Variants in MITF observed in about 807,000 individuals in gnomAD.
The protein encoded by MITF is melanocyte inducing transcription factor.
A neutral mutation model predicts 60.5 loss-of-function variants in MITF; 17 were observed. That is an observed-to-expected ratio of 0.28 (90% CI 0.19 to 0.42). MITF has a LOEUF of 0.42. Among genes scored for constraint, MITF ranks in the 10% least tolerant of loss-of-function variants. The pLI, the probability that MITF is intolerant of heterozygous loss-of-function variation, is 1.00. For missense variants in MITF, 622 were observed against 683.5 expected (o/e 0.91, Z 1.00); for synonymous variants, 260 against 248.5 (o/e 1.05, Z -0.43).
chr3:69,888,854 T>C (rs2064687321), intron 2 of MITF, among the ~76,000 whole-genome samples: 1 of 151,928 alleles, frequency 6.6e-6, no homozygotes. Flanking sequence ...CTTTCTTTTC[T>C]GTCTTGGTGA....
chr3:69,797,823 C>G (rs565989161), intron 1 of MITF, among the ~76,000 whole-genome samples: 1 of 152,260 alleles, frequency 6.6e-6, no homozygotes, highest in Admixed American at 6.5e-5. Context: ...GCCATGGTAA[C>G]AGGTAGTGAT....
At position 69,925,078 on chromosome 3, in the gene MITF, C is replaced by A. The variant is rs548477309; in HGVS notation, c.355-12744C>A. Among the ~76,000 whole-genome samples the A allele has an allele frequency of 3.9e-5, 6 of 152,070 alleles. No individual in the cohort carries two copies. In the South Asian group the frequency reaches 8.3e-4, roughly 21 times the overall value. Reference sequence around the variant, plus strand: ...ACACTAATCCACTTGGATGTGAAAGCAAAAATTCCAAGGTGAACAATCATA... The same window carrying A: ...ACACTAATCCACTTGGATGTGAAAGAAAAAATTCCAAGGTGAACAATCATA... On this transcript the variant is annotated intron_variant, in intron 2 of 9. Transcript: ENST00000352241.
intron 1 of MITF, among the ~76,000 whole-genome samples, chr3:69,814,041 G>A (rs908148511): frequency 5.9e-5 from 9 of 151,984 alleles, no homozygotes; most frequent in Admixed American, 5.9e-4. Flanking sequence ...ATGGGAACTA[G>A]GGAAAACATT....
At chr3:69,770,033 C>G (rs572871331) in intron 1 of MITF, among the ~76,000 whole-genome samples, 1 of 152,318 alleles carries the variant, frequency 6.6e-6, no homozygotes, top group Non-Finnish European at 1.5e-5. Context: ...CCTTTGCCCT[C>G]TCATTCATTT....
At chr3:69,941,208 C>T in intron 4 of MITF, 28 bp from the exon 5 acceptor site, 1 of 1,458,942 alleles carries the variant, frequency 6.9e-7, no homozygotes, top group Non-Finnish European at 9.6e-7. Flanking sequence ...TTATTTTTGT[C>T]TCTCTTCTCT....
intron 1 of MITF, among the ~76,000 whole-genome samples, chr3:69,857,524 GT>G (rs568982379): frequency 4.2e-5 from 6 of 144,006 alleles, no homozygotes; most frequent in African/African-American, 7.6e-5. Flanking sequence ...TGATCTCATG[GT>G]TTTTTTTTTT....
intron 2 of MITF, among the ~76,000 whole-genome samples, chr3:69,910,415 C>T (rs1044505653): frequency 5.9e-5 from 9 of 152,182 alleles, no homozygotes; most frequent in African/African-American, 1.9e-4. Flanking sequence ...TAGTGGGACA[C>T]TGCCTAGTGG....
At chr3:69,788,376 A>G (rs1177349158) in intron 1 of MITF, among the ~76,000 whole-genome samples, 1 of 148,262 alleles carries the variant, frequency 6.7e-6, no homozygotes, top group African/African-American at 2.5e-5. Context: ...ATGAGTGAGA[A>G]CATGCGGTGT....
intron 1 of MITF, among the ~76,000 whole-genome samples, chr3:69,830,275 C>A (rs1159887431): frequency 6.6e-6 from 1 of 152,150 alleles, no homozygotes; most frequent in Non-Finnish European, 1.5e-5. Context: ...CCCCTTTGTG[C>A]TTCCCTGCTG....
intron 2 of MITF, among the ~76,000 whole-genome samples, chr3:69,914,339 C>G (rs1214843040): frequency 6.6e-6 from 1 of 152,156 alleles, no homozygotes; most frequent in African/African-American, 2.4e-5. Context: ...CCAGGCTGGT[C>G]TTGAACTCTT....
intron 2 of MITF, among the ~76,000 whole-genome samples, chr3:69,882,330 A>G (rs1357854450): frequency 1.6e-4 from 24 of 152,142 alleles, no homozygotes; most frequent in Non-Finnish European, 8.8e-5. Flanking sequence ...TTAATAATAT[A>G]TGAATTTTCC....
chr3:69,812,083 T>TAGTAGATA (rs201103434), intron 1 of MITF, among the ~76,000 whole-genome samples: 1 of 152,088 alleles, frequency 6.6e-6, no homozygotes, highest in Non-Finnish European at 1.5e-5. Context: ...AACATTAGAT[T>TAGTAGATA]AGTAGAAACT....
At chr3:69,875,496 T>C (rs1255109193) in intron 1 of MITF, among the ~76,000 whole-genome samples, 1 of 152,310 alleles carries the variant, frequency 6.6e-6, no homozygotes, top group Non-Finnish European at 1.5e-5. Flanking sequence ...CTTTACATAA[T>C]CTGATTAAAA....
At chr3:69,955,533 G>T (rs1203562528) in intron 7 of MITF, among the ~76,000 whole-genome samples, 2 of 152,080 alleles carry the variant, frequency 1.3e-5, no homozygotes, top group African/African-American at 4.8e-5. Context: ...GTTAAAAAAG[G>T]CCGGACGCAG....
intron 1 of MITF, among the ~76,000 whole-genome samples, chr3:69,819,426 G>A (rs1242120751): frequency 6.6e-6 from 1 of 152,174 alleles, no homozygotes; most frequent in African/African-American, 2.4e-5. Context: ...GTCTGGTTCT[G>A]GAAGCTAGTA....
At chr3:69,827,249 G>A (rs978608308) in intron 1 of MITF, among the ~76,000 whole-genome samples, 2 of 152,174 alleles carry the variant, frequency 1.3e-5, no homozygotes, top group Admixed American at 6.5e-5. Flanking sequence ...AGACACTGTG[G>A]TGCAGGCTTT....
At chr3:69,871,067 G>T (rs1173662464) in intron 1 of MITF, among the ~76,000 whole-genome samples, 7 of 152,152 alleles carry the variant, frequency 4.6e-5, no homozygotes, top group Admixed American at 4.6e-4. Flanking sequence ...CTTCAGGAAT[G>T]ATTTGATACA....
intron 1 of MITF, among the ~76,000 whole-genome samples, chr3:69,791,268 G>C (rs181494622): frequency 3.3e-5 from 5 of 152,176 alleles, no homozygotes; most frequent in Admixed American, 3.3e-4. Flanking sequence ...TGTGAAATCC[G>C]GCCTCCGCAA....
intron 1 of MITF, among the ~76,000 whole-genome samples, chr3:69,782,467 T>C (rs1230556844): frequency 6.6e-6 from 1 of 152,228 alleles, no homozygotes; most frequent in Non-Finnish European, 1.5e-5. Context: ...GTTGCTGTTA[T>C]TCTTCCATTT....
Sources: gnomAD v4.1 joint callset for allele counts (sites outside exome capture counted in the v4.1 genomes callset) on GRCh38, gnomAD v4.1.1 for gene constraint, MANE v1.5 for transcripts, NCBI Gene and HGNC (gene_info 2026-07-23, HGNC 2026-07-21) for gene names.